Variants in PVR observed in about 807,000 individuals in gnomAD.
The protein encoded by PVR is PVR cell adhesion molecule, also known as poliovirus receptor.
In PVR, 39 loss-of-function variants were observed where a neutral mutation model predicts 43.3. The ratio of observed to expected loss-of-function variants is 0.90; its 90% confidence interval spans 0.70 to 1.18. The LOEUF (loss-of-function observed/expected upper bound fraction) is 1.18, where lower values mean the gene tolerates loss of function less well. Ranked by LOEUF, PVR falls within the 50% of genes most tolerant of loss-of-function variation. PVR has a pLI of 0.00. For synonymous variants in PVR, 224 were observed against 233.2 expected, an observed-to-expected ratio of 0.96 and a Z score of 0.36; for missense variants, 480 against 549.7, an observed-to-expected ratio of 0.87 and a Z score of 1.27.
intron 2 of PVR, among the ~76,000 whole-genome samples, chr19:44,649,378 C>T (rs532624648): frequency 6.6e-6 from 1 of 152,100 alleles, no homozygotes; most frequent in East Asian, 1.9e-4. Flanking sequence ...CCCAAGACCA[C>T]ACAGCTGCTC....
intron 1 of PVR, among the ~76,000 whole-genome samples, 197 bp downstream of exon 1, chr19:44,644,372 G>C (rs980374819): frequency 1.3e-5 from 2 of 152,212 alleles, no homozygotes; most frequent in Non-Finnish European, 1.5e-5. Context: ...CCCGGAGAGC[G>C]GTCGGAGTTG....
intron 4 of PVR, among the ~76,000 whole-genome samples, chr19:44,655,204 C>T (rs943252589): frequency 6.6e-6 from 1 of 152,038 alleles, no homozygotes; most frequent in African/African-American, 2.4e-5. Context: ...CCCACCTCAG[C>T]CTCCTGAGTA....
intron 1 of PVR, among the ~76,000 whole-genome samples, chr19:44,645,999 C>G (rs1312637023): frequency 6.6e-6 from 1 of 152,074 alleles, no homozygotes; most frequent in African/African-American, 2.4e-5. Context: ...CACTAAACCT[C>G]TGTATGACTT....
At chr19:44,660,005 C>T (rs887512448) in intron 6 of PVR, among the ~76,000 whole-genome samples, 4 of 152,168 alleles carry the variant, frequency 2.6e-5, no homozygotes, top group Non-Finnish European at 5.9e-5. Flanking sequence ...GATACTGCCT[C>T]GTCCAGGAAG....
rs1481942773 is a variant in PVR, at chr19:44,662,575, C to T, written c.*764C>T. 1 of 152,282 alleles carries T rather than the reference C, an allele frequency of 6.6e-6. No homozygotes were observed. The highest frequency in any genetic ancestry group is 1.5e-5 in the Non-Finnish European group (1 of 68,164). The allele number at this position is 152,282 out of a possible 1,614,324, so 9.4% of individuals were successfully genotyped here. A position where few individuals can be genotyped will look rare whatever the true frequency, so the allele number is the denominator to read the frequency against. ...GCTGACCTCATACATCAAGCCAATA[C>T]CGTGTGGCCCAAGACCCCCACCATA... On this transcript the variant is annotated 3_prime_UTR_variant, in exon 8 of 8. Coordinates refer to ENST00000425690, the MANE Select transcript of PVR (RefSeq NM_006505.5).
At chr19:44,655,948 C>T (rs1457372089) in intron 4 of PVR, among the ~76,000 whole-genome samples, 1 of 147,756 alleles carries the variant, frequency 6.8e-6, no homozygotes, top group Non-Finnish European at 1.5e-5. Flanking sequence ...CAGCTCACTG[C>T]AGCCTTGAAT....
intron 1 of PVR, 147 bp from the exon 2 acceptor site, chr19:44,647,076 T>TG: frequency 9.3e-6 from 1 of 107,484 alleles, no homozygotes; most frequent in Non-Finnish European, 1.8e-5. Context: ...AGTGCCCCAG[T>TG]TCCCCCTCCC....
chr19:44,651,678 T>C (rs1281659658), intron 3 of PVR, among the ~76,000 whole-genome samples: 1 of 152,164 alleles, frequency 6.6e-6, no homozygotes, highest in East Asian at 1.9e-4. Context: ...CCTGACAGCA[T>C]CTGTCCTGAT....
intron 2 of PVR, among the ~76,000 whole-genome samples, chr19:44,648,674 GTTTTC>G (rs201884360): frequency 6.1e-4 from 93 of 151,804 alleles, no homozygotes; most frequent in East Asian, 1.6e-3. Context: ...GTTTTGTTTT[GTTTTC>G]TTTTCTTTTT....
In PVR at chr19:44,658,224, C is replaced by CA. The variant is rs879886434; in HGVS notation, c.991+322dup. Among the ~76,000 whole-genome samples, 261 of 151,778 alleles carry CA rather than the reference C, an allele frequency of 1.7e-3. 1 individual carries two copies. The highest frequency in any genetic ancestry group is 3.4e-3 in the Middle Eastern group (1 of 294). ...TGACAGAAACACAAAGTAGTCTAAG[C>CA]AAAAAAAACCAAACAAAACAGGACT... On this transcript the variant is annotated intron_variant, in intron 5 of 7. Transcript: ENST00000425690.
intron 6 of PVR, 142 bp downstream of exon 6, chr19:44,659,042 C>A (rs766760951): frequency 2.9e-6 from 2 of 697,956 alleles, no homozygotes; most frequent in Non-Finnish European, 2.4e-6. Context: ...AGCCAGGGAG[C>A]CTTGTTCACT....
intron 3 of PVR, 60 bp from the exon 4 acceptor site, chr19:44,653,840 C>T (rs1160359463): frequency 1.0e-5 from 12 of 1,185,356 alleles, no homozygotes; most frequent in Admixed American, 6.9e-5. Flanking sequence ...GTGAATCCCG[C>T]GTAGCCCCAG....
chr19:44,651,937 C>T (rs1404110273), intron 3 of PVR, among the ~76,000 whole-genome samples: 2 of 152,158 alleles, frequency 1.3e-5, no homozygotes, highest in Non-Finnish European at 2.9e-5. Context: ...AGGTGGATCA[C>T]CTGAGGTCAG....
At chr19:44,652,732 C>T (rs945293079) in intron 3 of PVR, among the ~76,000 whole-genome samples, 1 of 152,078 alleles carries the variant, frequency 6.6e-6, no homozygotes, top group African/African-American at 2.4e-5. Context: ...CCAGGCTGGT[C>T]TCAAACTCCT....
At chr19:44,654,043 G>A in intron 4 of PVR, 26 bp downstream of exon 4, 3 of 1,553,206 alleles carry the variant, frequency 1.9e-6, no homozygotes, top group Middle Eastern at 3.4e-4. Flanking sequence ...CAGGGAGGAG[G>A]GGCTGGGGGT....
rs955643893 is a variant in PVR at position 44,665,308 on chromosome 19, T to C, written c.*3497T>C. 6.6e-6 allele frequency: 1 copy of C among 152,074 alleles called. No individual in the cohort carries two copies. Among genetic ancestry groups the C allele is most frequent in the African/African-American group, 2.4e-5 (1 of 41,386 alleles). 9.4% of individuals were successfully genotyped at this position (152,074 alleles called of 1,614,324 possible). On this transcript the variant is annotated 3_prime_UTR_variant, in exon 8 of 8. Transcript: ENST00000425690. The stretch of plus-strand genomic sequence containing the variant: ...GTCCCAGAAGCCTCTGGGTTGCAGA[T>C]TGCTTGGGGTGAAAATGTCTGTGCT...
At chr19:44,657,981 C>T (rs1827352779) in intron 5 of PVR, 71 bp downstream of exon 5, 15 of 1,495,166 alleles carry the variant, frequency 1.0e-5, no homozygotes, top group Non-Finnish European at 1.3e-5. Context: ...CTGTCTAATG[C>T]TCTCTGGCTC....
intron 7 of PVR, 90 bp from the exon 8 acceptor site, chr19:44,661,640 GGGACGGGCCT>G (rs1305692870): frequency 1.9e-6 from 2 of 1,066,840 alleles, no homozygotes; most frequent in African/African-American, 3.1e-5. Context: ...GAGAGAGGAG[GGGACGGGCCT>G]GCAGTTCTTT....
rs967950885 is a variant in PVR at position 44,644,005 on chromosome 19, G to C, written c.-92G>C. ...CGGGGATTCCAGGACCTGAGCTCCGGGAGCTGGACTCGCAGCGACCGCGGC... is the reference window on the plus strand; with the variant it reads ...CGGGGATTCCAGGACCTGAGCTCCGCGAGCTGGACTCGCAGCGACCGCGGC... On this transcript the variant is annotated 5_prime_UTR_variant, in exon 1 of 8. Transcript: ENST00000425690. 2.8e-6 allele frequency: 3 copies of C among 1,085,014 alleles called. No individual in the cohort carries two copies. Among genetic ancestry groups the C allele is most frequent in the Non-Finnish European group, 3.8e-6 (3 of 785,644 alleles). 67.2% of individuals were successfully genotyped at this position (1,085,014 alleles called of 1,614,324 possible).
Sources: allele counts gnomAD v4.1 joint callset (sites outside exome capture counted in the v4.1 genomes callset), GRCh38; gene constraint gnomAD v4.1.1; transcripts MANE v1.5; gene names NCBI Gene and HGNC (gene_info 2026-07-23, HGNC 2026-07-21).